Variants in SPAG16 observed in about 807,000 individuals in gnomAD.
The protein encoded by SPAG16 is sperm associated antigen 16.
SPAG16 carries 86 observed loss-of-function variants against 80.4 expected under a neutral mutation model. The observed-to-expected ratio is 1.07, with a 90% CI of 0.90 to 1.28. SPAG16 has a LOEUF of 1.28. SPAG16 is among the 50% of genes most tolerant of loss of function. SPAG16 has a pLI of 0.00. For synonymous variants in SPAG16, 294 were observed against 265.9 expected, an observed-to-expected ratio of 1.11 and a Z score of -1.03; for missense variants, 870 against 765.3, an observed-to-expected ratio of 1.14 and a Z score of -1.61.
intron 5 of SPAG16, among the ~76,000 whole-genome samples, chr2:213,321,929 A>G (rs2063626418): frequency 6.6e-6 from 1 of 152,144 alleles, no homozygotes; most frequent in Non-Finnish European, 1.5e-5. Context: ...ACCAATTGTT[A>G]TTTTAAATGC....
chr2:214,062,715 C>G (rs186089459), intron 13 of SPAG16, among the ~76,000 whole-genome samples: 3 of 137,364 alleles, frequency 2.2e-5, no homozygotes, highest in African/African-American at 8.2e-5. Flanking sequence ...AGTTTAATCT[C>G]GACATGGTAA....
chr2:213,972,165 A>G (rs988180197), intron 12 of SPAG16, among the ~76,000 whole-genome samples: 15 of 151,704 alleles, frequency 9.9e-5, no homozygotes, highest in Non-Finnish European at 2.1e-4. Context: ...ATGTTGAGCT[A>G]CTTTTCATAT....
chr2:214,321,921 T>C, intron 15 of SPAG16, among the ~76,000 whole-genome samples: 1 of 152,236 alleles, frequency 6.6e-6, no homozygotes, highest in Non-Finnish European at 1.5e-5. Flanking sequence ...CCAATCTGAA[T>C]TAGCTGCTTT....
chr2:214,017,760 G>A (rs963246223), intron 13 of SPAG16, among the ~76,000 whole-genome samples: 3 of 152,126 alleles, frequency 2.0e-5, no homozygotes, highest in African/African-American at 7.2e-5. Context: ...AAGCATAGAA[G>A]GGTTTGCAAG....
intron 10 of SPAG16, among the ~76,000 whole-genome samples, chr2:213,677,365 G>C (rs907448797): frequency 1.3e-5 from 2 of 152,064 alleles, no homozygotes; most frequent in Non-Finnish European, 2.9e-5. Context: ...GTTGTATTTG[G>C]GAAACCCATC....
At position 213,367,018 on chromosome 2, in the gene SPAG16, G is replaced by A. The variant is rs1490181720; in HGVS notation, c.832+2873G>A. Among the ~76,000 whole-genome samples, 9 of 151,942 alleles carry A rather than the reference G, an allele frequency of 5.9e-5. No individual in the cohort carries two copies. In the East Asian group the frequency reaches 9.7e-4, roughly 16 times the overall value. On this transcript the variant is annotated intron_variant, in intron 8 of 15. Coordinates refer to ENST00000331683, the MANE Select transcript of SPAG16 (RefSeq NM_024532.5). ...TGTTCTCATTGTTCAATTCCCACCT[G>A]TGAGTGAGAACATGCAGTGTTTGGT...
intron 12 of SPAG16, among the ~76,000 whole-genome samples, chr2:214,007,528 C>T (rs2047084141): frequency 6.6e-6 from 1 of 152,044 alleles, no homozygotes; most frequent in African/African-American, 2.4e-5. Context: ...ATCTGAATAA[C>T]TTCTTTTCAG....
intron 9 of SPAG16, among the ~76,000 whole-genome samples, chr2:213,388,635 A>T (rs2067576703): frequency 1.3e-5 from 2 of 152,218 alleles, no homozygotes; most frequent in South Asian, 4.1e-4. Flanking sequence ...AAGGAGGAGA[A>T]TCTGATTTCC....
intron 13 of SPAG16, among the ~76,000 whole-genome samples, chr2:214,048,986 A>C (rs1242683192): frequency 4.9e-5 from 7 of 141,752 alleles, no homozygotes; most frequent in Admixed American, 1.4e-4. Flanking sequence ...CCCAGGCTGG[A>C]GTGAAATTGT....
chr2:214,183,080 T>A (rs2057356537), intron 15 of SPAG16, among the ~76,000 whole-genome samples: 1 of 151,968 alleles, frequency 6.6e-6, no homozygotes, highest in Admixed American at 6.6e-5. Flanking sequence ...CCAGTTTCAT[T>A]ATTCTTCCTC....
intron 10 of SPAG16, among the ~76,000 whole-genome samples, chr2:213,656,248 C>T (rs1469103619): frequency 1.3e-5 from 2 of 152,180 alleles, no homozygotes; most frequent in Non-Finnish European, 2.9e-5. Context: ...CAGGCGACCT[C>T]GGCTCACTGC....
intron 1 of SPAG16, among the ~76,000 whole-genome samples, chr2:213,289,926 A>G (rs1201978881): frequency 6.6e-6 from 1 of 152,244 alleles, no homozygotes; most frequent in Non-Finnish European, 1.5e-5. Flanking sequence ...CTCACATCTG[A>G]AAATTATTCA....
intron 10 of SPAG16, among the ~76,000 whole-genome samples, chr2:213,654,286 A>G (rs1310983829): frequency 6.6e-6 from 1 of 152,172 alleles, no homozygotes; most frequent in Non-Finnish European, 1.5e-5. Context: ...AAACCCATCA[A>G]ATAATAATTC....
intron 10 of SPAG16, among the ~76,000 whole-genome samples, chr2:213,559,010 A>G (rs2059518895): frequency 6.6e-6 from 1 of 152,110 alleles, no homozygotes; most frequent in Admixed American, 6.6e-5. Context: ...GAAAAAATAG[A>G]TAGTAATTTC....
chr2:213,307,705 A>G (rs1021211410), intron 3 of SPAG16, among the ~76,000 whole-genome samples: 1 of 152,072 alleles, frequency 6.6e-6, no homozygotes, highest in Non-Finnish European at 1.5e-5. Context: ...ATACCCAGTA[A>G]TGGGATGGCT....
chr2:213,533,175 A>G (rs529008759), intron 10 of SPAG16, among the ~76,000 whole-genome samples: 6 of 152,294 alleles, frequency 3.9e-5, no homozygotes, highest in East Asian at 3.9e-4. Context: ...ATGGATGTCA[A>G]ATGTCCCCTA....
intron 10 of SPAG16, among the ~76,000 whole-genome samples, chr2:213,616,960 T>C (rs1360037948): frequency 6.6e-6 from 1 of 152,156 alleles, no homozygotes; most frequent in East Asian, 1.9e-4. Context: ...TTCAGGCTAT[T>C]GTAGCTCAGT....
At chr2:213,782,528 GA>G (rs2070060555) in intron 10 of SPAG16, among the ~76,000 whole-genome samples, 1 of 152,152 alleles carries the variant, frequency 6.6e-6, no homozygotes, top group Non-Finnish European at 1.5e-5. Context: ...CTTTCAAAAA[GA>G]AATTACATAG....
At chr2:214,205,868 C>T (rs2125732512) in intron 15 of SPAG16, among the ~76,000 whole-genome samples, 2 of 152,188 alleles carry the variant, frequency 1.3e-5, no homozygotes, top group Non-Finnish European at 2.9e-5. Flanking sequence ...CATTCTACAT[C>T]TCCTCTTTTA....
Sources: allele counts gnomAD v4.1 joint callset (sites outside exome capture counted in the v4.1 genomes callset), GRCh38; gene constraint gnomAD v4.1.1; transcripts MANE v1.5; gene names NCBI Gene and HGNC (gene_info 2026-07-23, HGNC 2026-07-21).